Variants in MCTP2 observed in about 807,000 individuals in gnomAD.
MCTP2 encodes multiple C2 and transmembrane domain containing 2.
A neutral mutation model predicts 111.6 loss-of-function variants in MCTP2; 132 were observed. The ratio of observed to expected loss-of-function variants is 1.18; its 90% CI spans 1.03 to 1.37. The LOEUF (loss-of-function observed/expected upper bound fraction) is 1.37. MCTP2 is among the 40% of genes most tolerant of loss of function. MCTP2 has a pLI of 0.00. For missense variants in MCTP2, 1,183 were observed against 1,067.9 expected (o/e 1.11, Z -1.50); for synonymous variants, 395 against 387.7 (o/e 1.02, Z -0.22).
intron 17 of MCTP2, among the ~76,000 whole-genome samples, chr15:94,437,156 A>C (rs12437504): frequency 2.3e-5 from 1 of 42,734 alleles, no homozygotes; most frequent in Admixed American, 1.9e-4. Context: ...TTACACATCC[A>C]AAAAAAAAAA....
rs148336245 is a variant in MCTP2 at position 94,384,136 on chromosome 15, A to G, written c.1685+12A>G. On this transcript the variant is annotated intron_variant, in intron 13 of 22. Coordinates refer to ENST00000357742, the MANE Select transcript of MCTP2 (RefSeq NM_001385001.1). Reference sequence around the variant, plus strand: ...AAAGTTTTTACATTGTAAGTGCTTTAGCCTCTGGAATTATTTCTGCTGTGC... The same window carrying G: ...AAAGTTTTTACATTGTAAGTGCTTTGGCCTCTGGAATTATTTCTGCTGTGC... 4.4e-6 allele frequency: 7 copies of G among 1,582,376 alleles called. No individual in the cohort carries two copies. The highest frequency in any genetic ancestry group is 1.7e-5 in the Admixed American group (1 of 59,800).
chr15:94,461,679 C>G (rs1343527085), intron 20 of MCTP2, among the ~76,000 whole-genome samples: 1 of 152,078 alleles, frequency 6.6e-6, no homozygotes, highest in South Asian at 2.1e-4. Context: ...CAGGGTAAAG[C>G]TTAGAAGCCA....
At chr15:94,439,267 G>T (rs954214855) in intron 17 of MCTP2, among the ~76,000 whole-genome samples, 1 of 150,028 alleles carries the variant, frequency 6.7e-6, no homozygotes, top group Non-Finnish European at 1.5e-5. Flanking sequence ...TGGAAAGGAA[G>T]ATTTCATATT....
At chr15:94,242,949 A>C (rs77587691) in intron 1 of MCTP2, among the ~76,000 whole-genome samples, 1,101 of 94,928 alleles carry the variant, frequency 0.012, 32 homozygotes, top group Middle Eastern at 0.017. Flanking sequence ...ATATGTAGAT[A>C]CACATATACA....
chr15:94,399,979 G>A lies in MCTP2; in HGVS notation c.1949G>A (p.Arg650His), dbSNP rs137927917. 4.7e-5 allele frequency: 76 copies of A among 1,613,748 alleles called. No homozygotes were observed. The Middle Eastern group carries it at 8.2e-4, about 17-fold the overall frequency. ...PREKRFVEDS[R>H]KLSKKILSRD... ...GAAAAGCGCTTTGTTGAAGACAGCC[G>A]CAAGCTGTCCAAAAAGGTGGGTCGC... Residue 650 changes from arginine (R) to histidine (H), a missense_variant, in exon 16 of 23, where the codon CGC becomes CAC. Coordinates refer to ENST00000357742, the MANE Select transcript of MCTP2 (RefSeq NM_001385001.1).
chr15:94,369,311 C>G (rs1179300231), intron 11 of MCTP2, among the ~76,000 whole-genome samples: 2 of 152,148 alleles, frequency 1.3e-5, no homozygotes, highest in African/African-American at 4.8e-5. Context: ...TTTTAGCTAT[C>G]TAATGATGAC....
At chr15:94,452,276 TA>T (rs1268195623) in intron 19 of MCTP2, among the ~76,000 whole-genome samples, 1 of 152,200 alleles carries the variant, frequency 6.6e-6, no homozygotes, top group Non-Finnish European at 1.5e-5. Flanking sequence ...CATCTTGTTT[TA>T]AAAGAGAAAT....
In MCTP2 at chr15:94,479,852, AAATG is replaced by A. The variant is rs1444389233; in HGVS notation, c.*826_*829del. On this transcript the variant is annotated 3_prime_UTR_variant, in exon 23 of 23. Transcript: ENST00000357742. ...AGAAAGGCAGGTGGGGGTAGGGGAGAAATGAATGAATAAATTCTCTAGGTATTTA... is the reference window on the plus strand; with the variant it reads ...AGAAAGGCAGGTGGGGGTAGGGGAGAAATGAATAAATTCTCTAGGTATTTA... 1.3e-5 allele frequency: 2 copies of A among 152,124 alleles called. No homozygotes were observed. Among genetic ancestry groups the A allele is most frequent in the African/African-American group, 4.8e-5 (2 of 41,414 alleles). 9.4% of individuals were successfully genotyped at this position (152,124 alleles called of 1,614,324 possible).
intron 8 of MCTP2, among the ~76,000 whole-genome samples, chr15:94,352,014 C>A (rs1259877454): frequency 6.6e-6 from 1 of 152,150 alleles, no homozygotes; most frequent in Non-Finnish European, 1.5e-5. Context: ...TGCAGCCATG[C>A]CAAGGAAAAG....
intron 20 of MCTP2, among the ~76,000 whole-genome samples, chr15:94,459,678 CAT>C (rs1487695969): frequency 1.3e-5 from 2 of 152,274 alleles, no homozygotes; most frequent in East Asian, 3.9e-4. Context: ...TGAAAGCAAA[CAT>C]GAATAGTAAA....
chr15:94,476,844 C>T, intron 22 of MCTP2, 51 bp downstream of exon 22: 1 of 1,067,384 alleles, frequency 9.4e-7, no homozygotes, highest in Non-Finnish European at 1.4e-6. Flanking sequence ...GAAATCTGGC[C>T]AGCCCCGGAG....
chr15:94,340,231 C>T lies in MCTP2; in HGVS notation c.813C>T (p.Phe271=). ...ATCGAGATTTAACCACATCTGATTT[C>T]ATGGGTTCTGCATTTGTCATTCTCA... is the stretch of plus-strand genomic sequence containing the variant. ...VYDRDLTTSD[F]MGSAFVILSD... Residue 271 remains phenylalanine, a synonymous_variant, in exon 6 of 23, where the codon TTC becomes TTT. Transcript: ENST00000357742. 1.2e-6 allele frequency: 2 copies of T among 1,613,180 alleles called. No individual in the cohort carries two copies. The highest frequency in any genetic ancestry group is 1.7e-6 in the Non-Finnish European group (2 of 1,179,354).
intron 21 of MCTP2, among the ~76,000 whole-genome samples, chr15:94,475,466 C>T (rs552432520): frequency 2.6e-5 from 4 of 152,264 alleles, no homozygotes; most frequent in Non-Finnish European, 4.4e-5. Flanking sequence ...CAAAATAATA[C>T]TTAATGAACA....
At chr15:94,344,608 C>A (rs1472916434) in intron 7 of MCTP2, among the ~76,000 whole-genome samples, 1 of 152,138 alleles carries the variant, frequency 6.6e-6, no homozygotes, top group Non-Finnish European at 1.5e-5. Context: ...TTAGATACTG[C>A]ATTAGCACAT....
In MCTP2 at chr15:94,399,940, C is replaced by G; in HGVS notation, c.1910C>G (p.Thr637Ser). The G allele has an allele frequency of 6.2e-7, 1 of 1,613,966 alleles. No homozygotes were observed. The highest frequency in any genetic ancestry group is 8.5e-7 in the Non-Finnish European group (1 of 1,179,876). The change falls in exon 16 of 23, where the codon ACT (threonine) becomes AGT (serine). Residue 637 changes from threonine (T) to serine (S), a missense_variant. Thr to Ser is a moderately conservative substitution (Grantham distance 58). Coordinates refer to ENST00000357742, the MANE Select transcript of MCTP2 (RefSeq NM_001385001.1). ...IYNPVKASIRTFTPREKRFVE... is the reference protein window; with the variant it reads ...IYNPVKASIRSFTPREKRFVE... ...TTCTAGGTGAAAGCAAGTATTAGGA[C>G]TTTTACTCCCCGGGAAAAGCGCTTT...
chr15:94,427,451 G>C (rs2082948889), intron 17 of MCTP2, among the ~76,000 whole-genome samples: 1 of 152,082 alleles, frequency 6.6e-6, no homozygotes, highest in African/African-American at 2.4e-5. Flanking sequence ...GAAGGTGAAG[G>C]GGAAGCACCA....
chr15:94,234,462 A>G (rs1448848523), intron 1 of MCTP2, among the ~76,000 whole-genome samples: 1 of 152,194 alleles, frequency 6.6e-6, no homozygotes, highest in Non-Finnish European at 1.5e-5. Flanking sequence ...AGCATTTCCC[A>G]GCAGCTTGTC....
At chr15:94,282,596 G>A (rs1417193506) in intron 1 of MCTP2, among the ~76,000 whole-genome samples, 1 of 152,190 alleles carries the variant, frequency 6.6e-6, no homozygotes, top group Non-Finnish European at 1.5e-5. Context: ...GTGGTCATTT[G>A]GAGGTCAGAA....
chr15:94,279,423 T>C (rs1232029472), intron 1 of MCTP2, among the ~76,000 whole-genome samples: 1 of 151,998 alleles, frequency 6.6e-6, no homozygotes. Flanking sequence ...AACTTATACA[T>C]TACTGATTTA....
Sources: gnomAD v4.1 joint callset for allele counts (sites outside exome capture counted in the v4.1 genomes callset) on GRCh38, gnomAD v4.1.1 for gene constraint, MANE v1.5 for transcripts, NCBI Gene and HGNC (gene_info 2026-07-23, HGNC 2026-07-21) for gene names.